Variants in RAB11FIP4 observed in about 807,000 individuals in gnomAD.
RAB11FIP4 encodes the protein rab11 family-interacting protein 4.
RAB11FIP4 carries 23 observed loss-of-function variants against 74.3 expected under a neutral mutation model. The ratio of observed to expected loss-of-function variants is 0.31; its 90% confidence interval spans 0.22 to 0.44. RAB11FIP4 has a LOEUF of 0.44. Ranked by LOEUF, RAB11FIP4 falls within the 20% of genes least tolerant of loss-of-function variation. The probability of loss-of-function intolerance (pLI) is 1.00; values close to 1 mark genes in which losing one functional copy is unlikely to be tolerated. For synonymous variants in RAB11FIP4, 360 were observed against 359.9 expected (o/e 1.00, Z 0.00); for missense variants, 630 against 863.9 (o/e 0.73, Z 3.39).
chr17:31,533,876 T>G lies in RAB11FIP4; in HGVS notation c.*2144T>G, dbSNP rs2072914490. ...GACCTGCTGCAGTGCCAGAGGGGCC[T>G]CTGGAGCAGGCCTGGCTTTTAAATG... On this transcript the variant is annotated 3_prime_UTR_variant, in exon 15 of 15. Transcript: ENST00000621161. The G allele has an allele frequency of 6.6e-6, 1 of 152,154 alleles. No individual in the cohort carries two copies. 9.4% of individuals were successfully genotyped at this position (152,154 alleles called of 1,614,324 possible). A position where few individuals can be genotyped will look rare whatever the true frequency, so the allele number is the denominator to read the frequency against.
intron 1 of RAB11FIP4, among the ~76,000 whole-genome samples, chr17:31,402,588 T>TTTTA (rs796669265): frequency 1.3e-4 from 17 of 127,810 alleles, no homozygotes; most frequent in African/African-American, 2.8e-4. Flanking sequence ...GCTCAGATTA[T>TTTTA]TTTATTTATT....
chr17:31,505,605 A>AC lies in RAB11FIP4; in HGVS notation c.337-12046_337-12045insC, dbSNP rs59314728. On this transcript the variant is annotated intron_variant, in intron 3 of 14. Coordinates refer to ENST00000621161, the MANE Select transcript of RAB11FIP4 (RefSeq NM_032932.6). ...TAATAATAATTATATATTATATAAT[A>AC]ATAATTATATATAATATATAATTAT... 1.2e-3 allele frequency among the ~76,000 whole-genome samples: 64 copies of AC among 51,794 alleles called. 1 individual carries two copies. Among genetic ancestry groups the AC allele is most frequent in the African/African-American group, 5.1e-3 (62 of 12,192 alleles). 34.0% of individuals were successfully genotyped at this position (51,794 alleles called of 152,430 possible).
chr17:31,399,187 G>A (rs1184832864), intron 1 of RAB11FIP4, among the ~76,000 whole-genome samples: 10 of 152,166 alleles, frequency 6.6e-5, no homozygotes, highest in Admixed American at 6.5e-4. Flanking sequence ...CAGGAACAGT[G>A]CAGAAGGGGA....
At chr17:31,407,361 C>T (rs1286959402) in intron 1 of RAB11FIP4, among the ~76,000 whole-genome samples, 3 of 152,056 alleles carry the variant, frequency 2.0e-5, no homozygotes, top group African/African-American at 7.2e-5. Flanking sequence ...CACCCTACCT[C>T]TTATCTGTCT....
chr17:31,394,882 C>T (rs893921982), intron 1 of RAB11FIP4, among the ~76,000 whole-genome samples: 5 of 138,586 alleles, frequency 3.6e-5, no homozygotes, highest in African/African-American at 1.4e-4. Flanking sequence ...CCCATCTTAT[C>T]CCCTGATGCA....
At chr17:31,411,754 G>A (rs2071098520) in intron 1 of RAB11FIP4, among the ~76,000 whole-genome samples, 1 of 152,268 alleles carries the variant, frequency 6.6e-6, no homozygotes, top group Non-Finnish European at 1.5e-5. Context: ...GACCTCCCCT[G>A]TGGCCCTTGG....
chr17:31,493,101 A>G (rs1466993164), intron 3 of RAB11FIP4, among the ~76,000 whole-genome samples: 1 of 152,196 alleles, frequency 6.6e-6, no homozygotes, highest in Non-Finnish European at 1.5e-5. Flanking sequence ...AGTGCTAGTC[A>G]TGCCAGCACT....
At position 31,515,540 on chromosome 17, in the gene RAB11FIP4, G is replaced by A. The variant is rs529819722; in HGVS notation, c.337-2111G>A. On this transcript the variant is annotated intron_variant, in intron 3 of 14. Transcript: ENST00000621161. Reference sequence around the variant, plus strand: ...TGCCAGCTCACTGGTAGCAGCAGACGGCTGCACATGTCTGGGCAGGCACAT... The same window carrying A: ...TGCCAGCTCACTGGTAGCAGCAGACAGCTGCACATGTCTGGGCAGGCACAT... 3.3e-5 allele frequency among the ~76,000 whole-genome samples: 5 copies of A among 152,010 alleles called. No homozygotes were observed. In the South Asian group the frequency reaches 6.2e-4, roughly 19 times the overall value.
intron 4 of RAB11FIP4, among the ~76,000 whole-genome samples, chr17:31,519,028 T>TTTTTG (rs2072614175): frequency 1.5e-5 from 2 of 133,832 alleles, no homozygotes; most frequent in Non-Finnish European, 3.1e-5. Flanking sequence ...TTTTTTTTTT[T>TTTTTG]TTTTGAGACG....
chr17:31,417,683 G>T (rs1034182547), intron 1 of RAB11FIP4, among the ~76,000 whole-genome samples: 1 of 152,220 alleles, frequency 6.6e-6, no homozygotes, highest in African/African-American at 2.4e-5. Flanking sequence ...GAGATTTGGG[G>T]GTTCCCATAG....
At chr17:31,421,499 G>C (rs568644558) in intron 1 of RAB11FIP4, among the ~76,000 whole-genome samples, 1 of 147,838 alleles carries the variant, frequency 6.8e-6, no homozygotes, top group Non-Finnish European at 1.5e-5. Flanking sequence ...GATTACAAAC[G>C]TGAGCCACTG....
intron 14 of RAB11FIP4, among the ~76,000 whole-genome samples, chr17:31,531,397 G>C (rs957175367): frequency 3.3e-5 from 5 of 152,172 alleles, no homozygotes; most frequent in Non-Finnish European, 7.3e-5. Context: ...ATCTCTGGGG[G>C]TGGGGCCTGG....
chr17:31,392,706 AG>A (rs1343666220), intron 1 of RAB11FIP4: 3 of 152,488 alleles, frequency 2.0e-5, no homozygotes, highest in African/African-American at 7.2e-5. Context: ...GATTGTTAAC[AG>A]GGCTGGAAGC....
chr17:31,511,319 TC>T (rs1180922976), intron 3 of RAB11FIP4, among the ~76,000 whole-genome samples: 1 of 152,178 alleles, frequency 6.6e-6, no homozygotes, highest in Non-Finnish European at 1.5e-5. Flanking sequence ...TTGTCCTAGT[TC>T]CCTGTGGCAG....
intron 10 of RAB11FIP4, chr17:31,527,609 A>C: frequency 2.2e-6 from 1 of 459,272 alleles, no homozygotes; most frequent in South Asian, 3.6e-5. Context: ...AAAAAGAAAG[A>C]AAATAAGAAT....
chr17:31,395,248 TAATA>T (rs1299382220), intron 1 of RAB11FIP4, among the ~76,000 whole-genome samples: 4 of 152,182 alleles, frequency 2.6e-5, no homozygotes, highest in African/African-American at 7.2e-5. Context: ...GAACAGATGA[TAATA>T]AATAAATAGG....
intron 3 of RAB11FIP4, chr17:31,465,548 G>A (rs1359593757): frequency 6.6e-6 from 1 of 151,420 alleles, no homozygotes; most frequent in Non-Finnish European, 1.5e-5. Context: ...CCCCTGCTGG[G>A]CGCAGTGGTG....
At chr17:31,492,014 T>A (rs1202752519) in intron 3 of RAB11FIP4, among the ~76,000 whole-genome samples, 1 of 152,198 alleles carries the variant, frequency 6.6e-6, no homozygotes, top group Non-Finnish European at 1.5e-5. Flanking sequence ...CATACAGCTG[T>A]GTCTCTGACA....
intron 3 of RAB11FIP4, among the ~76,000 whole-genome samples, chr17:31,505,593 AT>A (rs57166037): frequency 3.0e-5 from 2 of 67,010 alleles, no homozygotes; most frequent in Admixed American, 2.8e-4. Flanking sequence ...TAATAATTAT[AT>A]ATTATATAAT....
Sources: allele counts gnomAD v4.1 joint callset (sites outside exome capture counted in the v4.1 genomes callset), GRCh38; gene constraint gnomAD v4.1.1; transcripts MANE v1.5; gene names NCBI Gene and HGNC (gene_info 2026-07-23, HGNC 2026-07-21).